Variants in STAB1 observed in about 807,000 individuals in gnomAD.
The protein encoded by STAB1 is stabilin 1.
Under a neutral mutation model 332.4 loss-of-function variants are expected in STAB1, and 250 were observed. The observed-to-expected ratio is 0.75, with a 90% confidence interval of 0.68 to 0.84. The LOEUF is 0.84. Among genes scored for constraint, STAB1 ranks in the 40% least tolerant of loss-of-function variants. The probability of loss-of-function intolerance (pLI) is 0.00; values close to 1 mark genes in which losing one functional copy is unlikely to be tolerated. For synonymous variants in STAB1, 1,475 were observed against 1,390.4 expected (o/e 1.06, Z -1.35); for missense variants, 3,249 against 3,489.7 (o/e 0.93, Z 1.74).
rs766480955 is a variant in STAB1, at chr3:52,522,167, C to T, written c.6402C>T (p.Asn2134=). Residue 2134 remains asparagine (N), a synonymous_variant, in exon 59 of 69, where the codon AAC becomes AAT. Transcript: ENST00000321725. The part of the protein sequence containing the change: ...EGDGWSCRAR[N]PCTDGHRGGC... ...ATGGCTGGAGCTGCCGGGCCCGCAA[C>T]CCCTGCACAGATGGCCACCGCGGGG... The T allele has an allele frequency of 5.0e-6, 8 of 1,612,594 alleles. No individual in the cohort carries two copies. In the East Asian group the frequency reaches 1.8e-4, roughly 36 times the overall value.
chr3:52,508,345 T>C lies in STAB1; in HGVS notation c.2221T>C (p.Tyr741His), dbSNP rs1199874416. Residue 741 changes from tyrosine (Y) to histidine (H), a missense_variant, in exon 21 of 69, where the codon TAT (tyrosine) becomes CAT (histidine). By Grantham distance (83) the Tyr-to-His change is moderately conservative. Coordinates refer to ENST00000321725, the MANE Select transcript of STAB1 (RefSeq NM_015136.3). ...QCPGGFSNPC[Y>H]GKGNCSDGIQ... Reference sequence around the variant, plus strand: ...TCCTGGGGGCTTCTCCAACCCCTGCTATGGCAAAGGCAATGTGAGTCCCAT... The same window carrying C: ...TCCTGGGGGCTTCTCCAACCCCTGCCATGGCAAAGGCAATGTGAGTCCCAT... 6.2e-7 allele frequency: 1 copy of C among 1,613,814 alleles called. No individual in the cohort carries two copies. Among genetic ancestry groups the C allele is most frequent in the South Asian group, 1.1e-5 (1 of 91,084 alleles).
At chr3:52,520,750 C>T in intron 54 of STAB1, 52 bp downstream of exon 54, 1 of 1,612,624 alleles carries the variant, frequency 6.2e-7, no homozygotes, top group South Asian at 1.1e-5. Context: ...AGGCAGAGCC[C>T]AAGGACCACC....
Position 52,519,392 on chromosome 3 carries a change from TCC to T in STAB1, c.5165_5166del (p.Pro1722HisfsTer37). On this transcript the variant is annotated frameshift_variant, in exon 49 of 69. Transcript: ENST00000321725. LOFTEE classifies it high-confidence loss of function. Reference protein sequence around the residue: ...EALHWEPDDAPIPRRNVTAAA... With the variant: ...EALHWEPDDAXIPRRNVTAAA... ...CGCTGCACTGGGAGCCTGATGATGC[TCC>T]CATCCCGAGGGTATGACAAGCACGG... 1 of 1,612,976 alleles carries T rather than the reference TCC, an allele frequency of 6.2e-7. No individual in the cohort carries two copies. Among genetic ancestry groups the T allele is most frequent in the Non-Finnish European group, 8.5e-7 (1 of 1,179,954 alleles).
rs768252332 is a variant in STAB1 at position 52,513,828 on chromosome 3, T to G, written c.3348+34T>G. ...GGAGGAGGGTGTGTGCAGGGAAACT[T>G]GCAGGCAGGCCGTGAAGCAATGACA... On this transcript the variant is annotated intron_variant, in intron 31 of 68. Coordinates refer to ENST00000321725, the MANE Select transcript of STAB1 (RefSeq NM_015136.3). 6.2e-6 allele frequency: 10 copies of G among 1,613,034 alleles called. No individual in the cohort carries two copies. The African/African-American group carries it at 1.2e-4, about 19-fold the overall frequency.
chr3:52,506,354 C>A, intron 17 of STAB1, 104 bp downstream of exon 17: 1 of 1,067,652 alleles, frequency 9.4e-7, no homozygotes, highest in Non-Finnish European at 1.4e-6. Context: ...GGGCAGGACA[C>A]TGCTAGGCCA....
rs768960962 is a variant in STAB1, at chr3:52,524,337, G to A, written c.7694G>A (p.Arg2565Lys). The change falls in exon 69 of 69, where the codon AGG (arginine) becomes AAG (lysine). Residue 2565 changes from arginine to lysine, a missense_variant. Arg to Lys is a conservative substitution (Grantham distance 26). Coordinates refer to ENST00000321725, the MANE Select transcript of STAB1 (RefSeq NM_015136.3). ...GAGGAGGACTTCCCTGACACCCAGA[G>A]GATCCTCACAGTCAAGTGACGAGGC... Reference protein sequence around the residue: ...LLEEDFPDTQRILTVK With the variant: ...LLEEDFPDTQKILTVK The A allele has an allele frequency of 3.1e-6, 5 of 1,613,758 alleles. No homozygotes were observed. The East Asian group carries it at 6.7e-5, about 22-fold the overall frequency.
chr3:52,499,302 G>T (rs1362881554), intron 1 of STAB1, among the ~76,000 whole-genome samples: 1 of 152,246 alleles, frequency 6.6e-6, no homozygotes, highest in African/African-American at 2.4e-5. Context: ...GCCGTAGAAG[G>T]CTGGTGGACT....
Position 52,521,642 on chromosome 3 carries a change from C to T in STAB1, c.6105C>T (p.Gly2035=), listed in dbSNP as rs1212029621. The T allele has an allele frequency of 3.1e-6, 5 of 1,612,992 alleles. No individual in the cohort carries two copies. The highest frequency in any genetic ancestry group is 1.6e-4 in the Middle Eastern group (1 of 6,084). ...GCCGCTGTGATGAGGGCCTTGGGGGCTCTGGCTCCTGCTTCTGTGATGAAG... is the reference window on the plus strand; with the variant it reads ...GCCGCTGTGATGAGGGCCTTGGGGGTTCTGGCTCCTGCTTCTGTGATGAAG... The part of the protein sequence containing the change: ...VHGRCDEGLG[G]SGSCFCDEGW... The change falls in exon 57 of 69, where the codon GGC becomes GGT. Residue 2035 remains glycine, a synonymous_variant. Coordinates refer to ENST00000321725, the MANE Select transcript of STAB1 (RefSeq NM_015136.3).
rs2079176614 is a variant in STAB1 at position 52,523,977 on chromosome 3, C to T, written c.7502C>T (p.Ala2501Val). 2 of 1,611,736 alleles carry T rather than the reference C, an allele frequency of 1.2e-6. No individual in the cohort carries two copies. The highest frequency in any genetic ancestry group is 2.2e-5 in the South Asian group (2 of 91,020). The change falls in exon 67 of 69, where the codon GCC (alanine) becomes GTC (valine). Residue 2501 changes from alanine to valine, a missense_variant. Coordinates refer to ENST00000321725, the MANE Select transcript of STAB1 (RefSeq NM_015136.3). ...GTGGCCGGAGCTCTCTACCTCCGTG[C>T]CCGAGGCAAGCCCATGGGCTTTGGC... is the stretch of plus-strand genomic sequence containing the variant. ...GLVAGALYLRARGKPMGFGFS... is the reference protein window; with the variant it reads ...GLVAGALYLRVRGKPMGFGFS...
intron 34 of STAB1, 26 bp downstream of exon 34, chr3:52,514,522 C>A: frequency 1.3e-6 from 2 of 1,525,984 alleles, no homozygotes; most frequent in Middle Eastern, 1.8e-4. Context: ...AGCAAGGAGA[C>A]CCTAGCCCGG....
intron 50 of STAB1, 68 bp from the exon 51 acceptor site, chr3:52,519,876 G>GC (rs2079014788): frequency 8.0e-6 from 12 of 1,498,354 alleles, no homozygotes; most frequent in Admixed American, 2.1e-5. Context: ...CTGTGGCACA[G>GC]CCCCCTGCCT....
intron 36 of STAB1, 139 bp downstream of exon 36, chr3:52,515,184 CA>C (rs999343948): frequency 1.6e-4 from 192 of 1,164,868 alleles, no homozygotes; most frequent in Non-Finnish European, 2.2e-4. Flanking sequence ...CTGACGTCCC[CA>C]TAGAGGTCTG....
At chr3:52,495,798 A>G (rs1394444029) in intron 1 of STAB1, among the ~76,000 whole-genome samples, 3 of 152,196 alleles carry the variant, frequency 2.0e-5, no homozygotes, top group African/African-American at 7.2e-5. Context: ...GCCCAGACGG[A>G]GGCCCAGGTC....
chr3:52,514,271 C>T (rs774918935), intron 33 of STAB1, 58 bp downstream of exon 33: 22 of 1,601,828 alleles, frequency 1.4e-5, no homozygotes, highest in African/African-American at 4.0e-5. Flanking sequence ...GGGCGAGCCT[C>T]CAATCCCACC....
rs1198601311 is a variant in STAB1 at position 52,518,945 on chromosome 3, G to C, written c.5034+76G>C. 9.4e-6 allele frequency: 7 copies of C among 747,010 alleles called. No homozygotes were observed. The South Asian group carries it at 1.2e-4, about 13-fold the overall frequency. 46.3% of individuals were successfully genotyped at this position (747,010 alleles called of 1,614,324 possible). A position where few individuals can be genotyped will look rare whatever the true frequency, so the allele number is the denominator to read the frequency against. The stretch of plus-strand genomic sequence containing the variant: ...TGCGCGCCATTGCCCCAGGCCCCAC[G>C]GCCCACGCAGTCAAGAACCCCACCT... On this transcript the variant is annotated intron_variant, in intron 48 of 68. Transcript: ENST00000321725.
rs775434664 is a variant in STAB1 at position 52,522,981 on chromosome 3, C to T, written c.6910+41C>T. 8.1e-6 allele frequency: 13 copies of T among 1,599,600 alleles called. No individual in the cohort carries two copies. In the East Asian group the frequency reaches 2.7e-4, roughly 33 times the overall value. ...CAAACCCTACTTCCCCTGCTCTGCCCCTTCCCACCAATCTGCTGAGCCACT... is the reference window on the plus strand; with the variant it reads ...CAAACCCTACTTCCCCTGCTCTGCCTCTTCCCACCAATCTGCTGAGCCACT... On this transcript the variant is annotated intron_variant, in intron 62 of 68. Coordinates refer to ENST00000321725, the MANE Select transcript of STAB1 (RefSeq NM_015136.3).
At chr3:52,504,288 G>A (rs1009198501) in intron 10 of STAB1, 133 bp downstream of exon 10, 163 of 1,452,936 alleles carry the variant, frequency 1.1e-4, no homozygotes, top group Non-Finnish European at 1.4e-4. Context: ...GCTGTGGGGG[G>A]TGCATGCAGG....
In STAB1 at chr3:52,516,163, C is replaced by T; in HGVS notation, c.4069C>T (p.His1357Tyr). Residue 1357 changes from histidine to tyrosine, a missense_variant, in exon 38 of 69, where the codon CAC becomes TAC. By Grantham distance (83) the His-to-Tyr change is moderately conservative (BLOSUM62 2). Coordinates refer to ENST00000321725, the MANE Select transcript of STAB1 (RefSeq NM_015136.3). ...QDRFLGSGEC[H>Y]CHEGFHGTAC... ...CAGGTTCCTGGGCAGCGGGGAGTGC[C>T]ACTGCCACGAGGGCTTCCATGGAAC... 1 of 1,612,356 alleles carries T rather than the reference C, an allele frequency of 6.2e-7. No individual in the cohort carries two copies. Among genetic ancestry groups the T allele is most frequent in the Admixed American group, 1.7e-5 (1 of 59,932 alleles).
In STAB1 at chr3:52,512,404, G is replaced by C; in HGVS notation, c.2947G>C (p.Asp983His). ...VCTCPPGFGG[D>H]GFSCYGDIFR... ...CACGTGCCCCCCTGGCTTTGGGGGT[G>C]ATGGCTTCAGCTGTTATGGAGACAT... Residue 983 changes from aspartate to histidine, a missense_variant, in exon 27 of 69, where the codon GAT becomes CAT. Physicochemically the swap from Asp to His is moderately conservative, Grantham distance 81. Transcript: ENST00000321725. The C allele has an allele frequency of 6.2e-7, 1 of 1,610,442 alleles. No individual in the cohort carries two copies. Among genetic ancestry groups the C allele is most frequent in the Non-Finnish European group, 8.5e-7 (1 of 1,178,910 alleles).
Sources: allele counts gnomAD v4.1 joint callset (sites outside exome capture counted in the v4.1 genomes callset), GRCh38; gene constraint gnomAD v4.1.1; transcripts MANE v1.5; gene names NCBI Gene and HGNC (gene_info 2026-07-23, HGNC 2026-07-21).